The following PCDHGA1 variants were observed in gnomAD, a reference collection of about 807,000 sequenced individuals.
PCDHGA1 encodes protocadherin gamma-A1.
Under a neutral mutation model 58.0 loss-of-function variants are expected in PCDHGA1, and 32 were observed. The observed-to-expected ratio is 0.55, with a 90% confidence interval of 0.42 to 0.74. The LOEUF is 0.74. Ranked by LOEUF, PCDHGA1 falls within the 30% of genes least tolerant of loss-of-function variation. PCDHGA1 has a pLI of 0.00. For missense variants in PCDHGA1, 1,205 were observed against 1,182.3 expected (o/e 1.02, Z -0.28); for synonymous variants, 498 against 501.1 (o/e 0.99, Z 0.08).
intron 1 of PCDHGA1, chr5:141,393,093 G>T: frequency 2.5e-6 from 4 of 1,613,620 alleles, no homozygotes; most frequent in Non-Finnish European, 3.4e-6. Context: ...AGATCGGGAG[G>T]AGCTCTGCGC....
intron 1 of PCDHGA1, chr5:141,433,309 T>C: frequency 1.1e-6 from 1 of 901,134 alleles, no homozygotes; most frequent in Admixed American, 2.7e-5. Context: ...TTATCCCACC[T>C]TTGCCTCCGG....
At chr5:141,355,369 C>A (rs1339855222) in intron 1 of PCDHGA1, 2 of 1,614,040 alleles carry the variant, frequency 1.2e-6, no homozygotes, top group Admixed American at 3.3e-5. Context: ...GTTGGCGCCC[C>A]GGGAGCTGGC....
At chr5:141,354,906 A>G (rs942158415) in intron 1 of PCDHGA1, 1 of 402,682 alleles carries the variant, frequency 2.5e-6, no homozygotes, top group Non-Finnish European at 4.4e-6. Context: ...ATAGGAATAG[A>G]AAAGTGTATA....
At chr5:141,376,316 G>A (rs1178295234) in intron 1 of PCDHGA1, 2 of 1,614,224 alleles carry the variant, frequency 1.2e-6, no homozygotes, top group Non-Finnish European at 1.7e-6. Flanking sequence ...GGGCGTGGAA[G>A]GGGTTCGGGC....
chr5:141,360,398 A>T, intron 1 of PCDHGA1: 1 of 1,613,926 alleles, frequency 6.2e-7, no homozygotes, highest in Non-Finnish European at 8.5e-7. Context: ...CTTGTGAGTG[A>T]CAGAATAGAC....
intron 1 of PCDHGA1, chr5:141,385,263 T>G: frequency 6.2e-7 from 1 of 1,613,672 alleles, no homozygotes; most frequent in Non-Finnish European, 8.5e-7. Context: ...GTGAGAAAAA[T>G]GATTCTTTGC....
rs775989253 is a variant in PCDHGA1 at position 141,491,769 on chromosome 5, G to A, written c.2422-3038G>A. On this transcript the variant is annotated intron_variant, in intron 1 of 3. Transcript: ENST00000517417. The surrounding 1 kb of genome is among the most constrained non-coding windows in gnomAD (Gnocchi z 6.9). ...CTGGAGAAGCCGCCCGTCCTCATAA[G>A]GGATTGAACTTGCATCCACTCCTCT... 6.4e-7 allele frequency: 1 copy of A among 1,562,376 alleles called. No homozygotes were observed. Among genetic ancestry groups the A allele is most frequent in the African/African-American group, 1.4e-5 (1 of 73,058 alleles).
At chr5:141,341,040 C>A in intron 1 of PCDHGA1, 1 of 1,614,140 alleles carries the variant, frequency 6.2e-7, no homozygotes, top group Non-Finnish European at 8.5e-7. Context: ...TCGGACCTCA[C>A]TCTGTACCTG....
At chr5:141,376,186 C>T in intron 1 of PCDHGA1, 2 of 1,614,136 alleles carry the variant, frequency 1.2e-6, no homozygotes, top group Non-Finnish European at 1.7e-6. Flanking sequence ...CCGCGGTCTC[C>T]TGCGTCTTCC....
At chr5:141,454,087 T>A (rs1251936767) in intron 1 of PCDHGA1, among the ~76,000 whole-genome samples, 4 of 152,198 alleles carry the variant, frequency 2.6e-5, no homozygotes, top group Non-Finnish European at 5.9e-5. Context: ...TCAGTGAAAT[T>A]TGAATTGAAC....
chr5:141,346,249 A>G (rs1338921250), intron 1 of PCDHGA1: 2 of 1,614,170 alleles, frequency 1.2e-6, no homozygotes, highest in Admixed American at 3.3e-5. Flanking sequence ...CCCGGCTCGC[A>G]CTTTGTGGGC....
chr5:141,449,067 T>A lies in PCDHGA1; in HGVS notation c.2422-45740T>A, dbSNP rs547833131. On this transcript the variant is annotated intron_variant, in intron 1 of 3. Transcript: ENST00000517417. ...AGTCTCATAAATGAGCGCTATTGAA[T>A]AGCCCTGTACCTACATCAGTTTTTA... Among the ~76,000 whole-genome samples the A allele has an allele frequency of 3.3e-5, 5 of 152,342 alleles. No homozygotes were observed. In the East Asian group the frequency reaches 9.6e-4, roughly 29 times the overall value.
chr5:141,369,621 C>T (rs1255765224), intron 1 of PCDHGA1, among the ~76,000 whole-genome samples: 2 of 152,294 alleles, frequency 1.3e-5, no homozygotes, highest in East Asian at 1.9e-4. Flanking sequence ...ATCATTTCCT[C>T]ATTACCTTTA....
chr5:141,434,861 T>C (rs1157640770), intron 1 of PCDHGA1, among the ~76,000 whole-genome samples: 1 of 151,998 alleles, frequency 6.6e-6, no homozygotes, highest in Non-Finnish European at 1.5e-5. Context: ...TAAATTTATA[T>C]ATATGTGACA....
chr5:141,419,206 G>T, intron 1 of PCDHGA1: 1 of 1,613,876 alleles, frequency 6.2e-7, no homozygotes, highest in Non-Finnish European at 8.5e-7. Flanking sequence ...ATGACAACGC[G>T]CCGGTTTTCG....
intron 1 of PCDHGA1, among the ~76,000 whole-genome samples, chr5:141,400,820 G>A (rs1419111099): frequency 6.6e-6 from 1 of 152,082 alleles, no homozygotes; most frequent in African/African-American, 2.4e-5. Context: ...TTACCTATTC[G>A]TTGTCTCATT....
At position 141,340,109 on chromosome 5, in the gene PCDHGA1, G is replaced by A. The variant is rs149474643; in HGVS notation, c.2421+7004G>A. The A allele has an allele frequency of 9.9e-6, 16 of 1,613,938 alleles. No homozygotes were observed. The East Asian group carries it at 1.1e-4, about 11-fold the overall frequency. On this transcript the variant is annotated intron_variant, in intron 1 of 3. Coordinates refer to ENST00000517417, the MANE Select transcript of PCDHGA1 (RefSeq NM_018912.3). ...ACATGATAGAGACTCTGGGCAGAAC[G>A]CATTCACCACCTGTTCACTCCCCGA...
At position 141,334,900 on chromosome 5, in the gene PCDHGA1, G is replaced by GA. The variant is rs1285205468; in HGVS notation, c.2421+1802dup. Among the ~76,000 whole-genome samples the GA allele has an allele frequency of 6.6e-6, 1 of 151,868 alleles. No homozygotes were observed. Among genetic ancestry groups the GA allele is most frequent in the Non-Finnish European group, 1.5e-5 (1 of 67,962 alleles). On this transcript the variant is annotated intron_variant, in intron 1 of 3. Transcript: ENST00000517417. The surrounding 1 kb of genome is among the most constrained non-coding windows in gnomAD (Gnocchi z 4.6). ...GGAGAGAGGGATATAGTGTAGAAGA[G>GA]AAAAAAACAAACTAAAACTAAAAAC...
intron 2 of PCDHGA1, among the ~76,000 whole-genome samples, chr5:141,503,598 C>CA (rs765754054): frequency 0.15 from 9,705 of 65,252 alleles, 922 homozygotes; most frequent in African/African-American, 0.34. Context: ...GACTCCAGCT[C>CA]AAAAAAAAAA....
Sources: gnomAD v4.1 joint callset for allele counts (sites outside exome capture counted in the v4.1 genomes callset) on GRCh38, gnomAD v4.1.1 for gene constraint, Gnocchi (gnomAD v3.1) non-coding constraint, MANE v1.5 for transcripts, NCBI Gene and HGNC (gene_info 2026-07-23, HGNC 2026-07-21) for gene names.